ADCY9: variants seen among roughly 807,000 people sequenced by gnomAD.
The protein encoded by ADCY9 is adenylate cyclase type 9.
ADCY9 carries 50 observed loss-of-function variants against 101.5 expected under a neutral mutation model. The ratio of observed to expected loss-of-function variants is 0.49; its 90% CI spans 0.39 to 0.62. ADCY9 has a LOEUF of 0.62. Ranked by LOEUF, ADCY9 falls within the 20% of genes least tolerant of loss-of-function variation. The probability of loss-of-function intolerance (pLI) is 0.00; values close to 1 mark genes in which losing one functional copy is unlikely to be tolerated. For missense variants in ADCY9, 1,662 were observed against 1,800.4 expected (o/e 0.92, Z 1.39); for synonymous variants, 905 against 769.3 (o/e 1.18, Z -2.92).
At chr16:4,078,910 AAG>A (rs1330428875) in intron 2 of ADCY9, among the ~76,000 whole-genome samples, 1 of 152,200 alleles carries the variant, frequency 6.6e-6, no homozygotes, top group Non-Finnish European at 1.5e-5. Flanking sequence ...ACATATGAAA[AAG>A]AGATTTGGCC....
At chr16:4,098,990 T>C (rs1322368775) in intron 2 of ADCY9, among the ~76,000 whole-genome samples, 1 of 152,144 alleles carries the variant, frequency 6.6e-6, no homozygotes, top group South Asian at 2.1e-4. Context: ...TGGAGTGCAG[T>C]GGTGTGATCT....
chr16:3,966,290 G>C lies in ADCY9; in HGVS notation c.3547C>G (p.Leu1183Val). The change falls in exon 11 of 11, where the codon CTG becomes GTG. Residue 1183 changes from leucine (L) to valine (V), a missense_variant. Around this residue, in one of 5 missense-constraint regions of ADCY9, gnomAD observed 220 missense variants for 312.9 expected, o/e 0.70. Transcript: ENST00000294016. ...TAGVIGTTKL[L>V]YDIWGDTVNI... is the part of the protein sequence containing the mutation. The stretch of plus-strand genomic sequence containing the variant: ...ACGGTGTCTCCCCAGATGTCGTACA[G>C]CAGCTTGGTGGTGCCGATGACCCCG... The C allele has an allele frequency of 6.2e-7, 1 of 1,614,182 alleles. No homozygotes were observed.
At position 3,987,396 on chromosome 16, in the gene ADCY9, C is replaced by T. The variant is rs140516512; in HGVS notation, c.2310+1598G>A. Among the ~76,000 whole-genome samples, 26 of 152,338 alleles carry T rather than the reference C, an allele frequency of 1.7e-4. 2 individuals carry two copies. The South Asian group carries it at 3.9e-3, about 23-fold the overall frequency. On this transcript the variant is annotated intron_variant, in intron 6 of 10. Coordinates refer to ENST00000294016, the MANE Select transcript of ADCY9 (RefSeq NM_001116.4). ...AGGCTCAGCAGTGCAGGGCGAGAAG[C>T]GGCCCGGACGCCTGGTTTGGCAGCC... is the stretch of plus-strand genomic sequence containing the variant.
chr16:3,994,187 G>T (rs547503377), intron 3 of ADCY9, among the ~76,000 whole-genome samples: 2 of 152,202 alleles, frequency 1.3e-5, no homozygotes, highest in African/African-American at 4.8e-5. Context: ...GGAATCCCTC[G>T]TCCCTTCGCC....
intron 2 of ADCY9, among the ~76,000 whole-genome samples, chr16:4,110,376 C>CTT (rs1170090126): frequency 0.11 from 12,389 of 110,866 alleles, 2,176 homozygotes; most frequent in South Asian, 0.26. Context: ...CTTATACCTA[C>CTT]TTTTTTTTTT....
rs2057140909 is a variant in ADCY9, at chr16:4,115,111, T to C, written c.332A>G (p.Gln111Arg). The stretch of plus-strand genomic sequence containing the variant: ...CGCATACCGGAACCGGCGCTGGGTC[T>C]GCGGGAAGCAGCGCTCCAGGCAGGC... ...EEACLERCFP[Q>R]TQRRFRYALF... Residue 111 changes from glutamine to arginine, a missense_variant, in exon 2 of 11, where the codon CAG becomes CGG. By Grantham distance (43) the Gln-to-Arg change is conservative (BLOSUM62 1). Transcript: ENST00000294016. This position sits in a 1 kb window ranked among gnomAD's most constrained non-coding sequence, Gnocchi z 6.2. 6.2e-7 allele frequency: 1 copy of C among 1,613,894 alleles called. No individual in the cohort carries two copies. The highest frequency in any genetic ancestry group is 1.7e-5 in the Admixed American group (1 of 60,030).
intron 2 of ADCY9, among the ~76,000 whole-genome samples, chr16:4,063,735 G>A (rs979765361): frequency 6.7e-6 from 1 of 150,046 alleles, no homozygotes; most frequent in Non-Finnish European, 1.5e-5. Flanking sequence ...ACAAACCTGA[G>A]TTTCCACCTT....
chr16:4,107,965 G>A (rs1488219232), intron 2 of ADCY9, among the ~76,000 whole-genome samples: 3 of 152,160 alleles, frequency 2.0e-5, no homozygotes, highest in African/African-American at 7.2e-5. Context: ...ATGCATACCA[G>A]CGGGTCTCCT....
At chr16:4,053,622 G>A (rs2141151959) in intron 2 of ADCY9, among the ~76,000 whole-genome samples, 1 of 152,186 alleles carries the variant, frequency 6.6e-6, no homozygotes, top group South Asian at 2.1e-4. Flanking sequence ...TCCCTTTTTT[G>A]GAGACTGAAA....
intron 2 of ADCY9, among the ~76,000 whole-genome samples, chr16:4,016,362 C>T (rs1055230510): frequency 6.6e-6 from 1 of 152,112 alleles, no homozygotes; most frequent in African/African-American, 2.4e-5. Context: ...TGAAACAGAC[C>T]ACCAGCTGAT....
intron 2 of ADCY9, among the ~76,000 whole-genome samples, chr16:4,063,672 A>C (rs926864670): frequency 6.6e-6 from 1 of 151,598 alleles, no homozygotes. Flanking sequence ...GTATCGCACC[A>C]CTGCACTCCA....
intron 10 of ADCY9, among the ~76,000 whole-genome samples, chr16:3,972,744 C>T (rs1484104432): frequency 6.6e-6 from 1 of 151,958 alleles, no homozygotes; most frequent in African/African-American, 2.4e-5. Context: ...AAAATCTGCC[C>T]CTAGGGAGGT....
Position 3,963,143 on chromosome 16 carries a change from T to TATATATAC in ADCY9, c.*2631_*2632insGTATATAT, listed in dbSNP as rs1555504954. 1.7e-4 allele frequency: 26 copies of TATATATAC among 157,102 alleles called. 1 individual carries two copies. Among genetic ancestry groups the TATATATAC allele is most frequent in the East Asian group, 5.5e-4 (3 of 5,426 alleles). 9.7% of individuals were successfully genotyped at this position (157,102 alleles called of 1,614,324 possible). A position where few individuals can be genotyped will look rare whatever the true frequency, so the allele number is the denominator to read the frequency against. ...ATATATATATATATATATATATATA[T>TATATATAC]GGATATATAATTCGATCTGAGCTGG... is the stretch of plus-strand genomic sequence containing the variant. On this transcript the variant is annotated 3_prime_UTR_variant, in exon 11 of 11. Transcript: ENST00000294016.
In ADCY9 at chr16:4,113,816, A is replaced by G; in HGVS notation, c.1627T>C (p.Tyr543His). 1 of 1,613,956 alleles carries G rather than the reference A, an allele frequency of 6.2e-7. No homozygotes were observed. The highest frequency in any genetic ancestry group is 1.1e-5 in the South Asian group (1 of 91,074). Reference sequence around the variant, plus strand: ...ATAACTTTCCCATCTTCCATTTCGTACCGGTCATCTAAGTATTTTGCGGTG... The same window carrying G: ...ATAACTTTCCCATCTTCCATTTCGTGCCGGTCATCTAAGTATTTTGCGGTG... ...EATAKYLDDR[Y>H]EMEDGKVIER... Residue 543 changes from tyrosine (Y) to histidine (H), a missense_variant, in exon 2 of 11, where the codon TAC (tyrosine) becomes CAC (histidine). By Grantham distance (83) the Tyr-to-His change is moderately conservative. Around this residue, in one of 5 missense-constraint regions of ADCY9, gnomAD observed 624 missense variants for 639.1 expected, o/e 0.98. Transcript: ENST00000294016.
chr16:4,020,845 G>T (rs1223521978), intron 2 of ADCY9, among the ~76,000 whole-genome samples: 2 of 150,492 alleles, frequency 1.3e-5, no homozygotes, highest in African/African-American at 4.9e-5. Flanking sequence ...AAAAGAAAGT[G>T]GAATAGAAAC....
chr16:3,962,150 T>G (rs2055943997), downstream of ADCY9, among the ~76,000 whole-genome samples: 1 of 152,204 alleles, frequency 6.6e-6, no homozygotes, highest in Admixed American at 6.5e-5. Context: ...CCAAGAAGTG[T>G]AGAAAATGGC....
chr16:4,052,827 A>C (rs1163002686), intron 2 of ADCY9, among the ~76,000 whole-genome samples: 1 of 152,226 alleles, frequency 6.6e-6, no homozygotes, highest in Non-Finnish European at 1.5e-5. Context: ...TAACTTAGTA[A>C]GGCAAACTGC....
chr16:4,068,185 T>C (rs185870670), intron 2 of ADCY9, among the ~76,000 whole-genome samples: 243 of 152,288 alleles, frequency 1.6e-3, no homozygotes, highest in African/African-American at 5.6e-3. Flanking sequence ...TCAAGGATGA[T>C]TTTGCATCTC....
chr16:4,005,677 G>A (rs1318616985), intron 3 of ADCY9, among the ~76,000 whole-genome samples: 3 of 151,624 alleles, frequency 2.0e-5, no homozygotes, highest in Non-Finnish European at 4.4e-5. Context: ...GTGTAGAATC[G>A]CCATTGCTAA....
Sources: gnomAD v4.1 joint callset for allele counts (sites outside exome capture counted in the v4.1 genomes callset) on GRCh38, gnomAD v4.1.1 for gene constraint, gnomAD v4.1.1 regional missense constraint, Gnocchi (gnomAD v3.1) non-coding constraint, MANE v1.5 for transcripts, NCBI Gene and HGNC (gene_info 2026-07-23, HGNC 2026-07-21) for gene names.